The following ISY1 variants were observed in gnomAD, a reference collection of about 807,000 sequenced individuals.
ISY1 encodes the protein pre-mRNA-splicing factor ISY1 homolog.
A neutral mutation model predicts 54.4 loss-of-function variants in ISY1; 12 were observed. That is an observed-to-expected ratio of 0.22 (90% CI 0.14 to 0.36). The LOEUF is 0.36. ISY1 is among the 10% of genes least tolerant of loss of function. ISY1 has a pLI of 1.00. For missense variants in ISY1, 282 were observed against 342.2 expected, an observed-to-expected ratio of 0.82 and a Z score of 1.39; for synonymous variants, 96 against 117.9, an observed-to-expected ratio of 0.81 and a Z score of 1.20.
chr3:129,148,412 G>T (rs764594273), intron 5 of ISY1, among the ~76,000 whole-genome samples: 1 of 152,194 alleles, frequency 6.6e-6, no homozygotes, highest in Non-Finnish European at 1.5e-5. Flanking sequence ...AGCAGTGCAT[G>T]AGAGTTCATT....
chr3:129,136,820 G>T (rs186743189), intron 7 of ISY1, among the ~76,000 whole-genome samples: 355 of 151,244 alleles, frequency 2.3e-3, no homozygotes, highest in African/African-American at 8.3e-3. Flanking sequence ...CTCCCGAGTA[G>T]CTGGGATTAT....
At chr3:129,159,211 G>A in intron 1 of ISY1, 35 bp from the exon 2 acceptor site, 1 of 1,588,548 alleles carries the variant, frequency 6.3e-7, no homozygotes, top group African/African-American at 1.4e-5. Flanking sequence ...AAATGTCCAT[G>A]TTTAAAATAT....
In ISY1 at chr3:129,140,479, C is replaced by G; in HGVS notation, c.307G>C (p.Gly103Arg). 6.2e-7 allele frequency: 1 copy of G among 1,602,836 alleles called. No individual in the cohort carries two copies. Among genetic ancestry groups the G allele is most frequent in the Non-Finnish European group, 8.5e-7 (1 of 1,177,354 alleles). The change falls in exon 7 of 11, where the codon GGC (glycine) becomes CGC (arginine). Residue 103 changes from glycine (G) to arginine (R), a missense_variant. Coordinates refer to ENST00000393295, the MANE Select transcript of ISY1 (RefSeq NM_020701.4). ...CCTTCATGATCCAGCATTTTAGGGC[C>G]AACTTTCTTATTGGGAAGAAAAAAA... ...ELGGPDYGKV[G>R]PKMLDHEGKE...
chr3:129,138,877 C>A (rs1936519279), intron 7 of ISY1, among the ~76,000 whole-genome samples: 1 of 151,558 alleles, frequency 6.6e-6, no homozygotes. Flanking sequence ...AATGTATTAA[C>A]AATCATCACA....
Position 129,140,561 on chromosome 3 carries a change from C to A in ISY1, c.301-76G>T, listed in dbSNP as rs537886443. 4 of 1,428,648 alleles carry A rather than the reference C, an allele frequency of 2.8e-6. No individual in the cohort carries two copies. The South Asian group carries it at 4.0e-5, about 14-fold the overall frequency. The allele number at this position is 1,428,648 out of a possible 1,614,324, so 88.5% of individuals were successfully genotyped here. A position where few individuals can be genotyped will look rare whatever the true frequency, so the allele number is the denominator to read the frequency against. ...TTATTATTTATTTATTTATTTGAGG[C>A]GGAGTCTCGCTCTGTTGCCCATTTA... On this transcript the variant is annotated intron_variant, in intron 6 of 10. Coordinates refer to ENST00000393295, the MANE Select transcript of ISY1 (RefSeq NM_020701.4).
At chr3:129,144,287 C>G in intron 6 of ISY1, 1 of 298,414 alleles carries the variant, frequency 3.4e-6, no homozygotes, top group Non-Finnish European at 6.8e-6. Context: ...GCAAGACACC[C>G]AAGAGAAGTC....
At chr3:129,141,289 C>T (rs1458224900) in intron 6 of ISY1, among the ~76,000 whole-genome samples, 1 of 150,976 alleles carries the variant, frequency 6.6e-6, no homozygotes, top group African/African-American at 2.4e-5. Context: ...CACTCTGGGA[C>T]ACCAAGGTGG....
intron 6 of ISY1, 113 bp downstream of exon 6, chr3:129,145,648 C>T: frequency 2.1e-6 from 2 of 962,374 alleles, no homozygotes; most frequent in African/African-American, 1.6e-5. Context: ...TCATCCTACC[C>T]ATCCTGTTCA....
chr3:129,142,637 C>G (rs928452549), intron 6 of ISY1, among the ~76,000 whole-genome samples: 1 of 152,178 alleles, frequency 6.6e-6, no homozygotes, highest in African/African-American at 2.4e-5. Context: ...TGGCTGAGCA[C>G]AGCGGCTCAT....
At chr3:129,137,305 GACTTTA>G in intron 7 of ISY1, 1 of 625,766 alleles carries the variant, frequency 1.6e-6, no homozygotes, top group Non-Finnish European at 2.0e-6. Context: ...GAGGTAAGAG[GACTTTA>G]ACTCTATCTG....
At chr3:129,140,227 G>C in intron 7 of ISY1, 141 bp downstream of exon 7, 1 of 754,248 alleles carries the variant, frequency 1.3e-6, no homozygotes, top group Non-Finnish European at 2.1e-6. Flanking sequence ...AGAATTCTCA[G>C]TTAAAATCTG....
chr3:129,160,777 C>T (rs1560025246), intron 1 of ISY1, among the ~76,000 whole-genome samples, 196 bp downstream of exon 1: 2 of 152,170 alleles, frequency 1.3e-5, no homozygotes, highest in South Asian at 2.1e-4. Context: ...GACAGTAACG[C>T]GGCTCCCGAG....
intron 7 of ISY1, among the ~76,000 whole-genome samples, chr3:129,136,421 A>G (rs1936402216): frequency 6.6e-6 from 1 of 152,060 alleles, no homozygotes; most frequent in Non-Finnish European, 1.5e-5. Context: ...TTAAAAATGA[A>G]AAACAAAATG....
intron 3 of ISY1, among the ~76,000 whole-genome samples, chr3:129,158,287 G>C (rs1430932843): frequency 1.3e-5 from 2 of 151,806 alleles, no homozygotes; most frequent in Non-Finnish European, 2.9e-5. Flanking sequence ...CCCAGTAGCT[G>C]GGACTACAGG....
At chr3:129,136,874 CT>C (rs1402406086) in intron 7 of ISY1, among the ~76,000 whole-genome samples, 60 of 123,758 alleles carry the variant, frequency 4.8e-4, no homozygotes, top group African/African-American at 8.6e-4. Flanking sequence ...TTTTCTTCTT[CT>C]TTTTTTTTTT....
chr3:129,139,251 A>G (rs1936533153), intron 7 of ISY1, among the ~76,000 whole-genome samples: 2 of 152,054 alleles, frequency 1.3e-5, no homozygotes, highest in African/African-American at 4.8e-5. Flanking sequence ...CCTCTGTAGT[A>G]AAAAATATAT....
At chr3:129,138,360 T>G (rs1318382766) in intron 7 of ISY1, among the ~76,000 whole-genome samples, 7 of 142,066 alleles carry the variant, frequency 4.9e-5, no homozygotes, top group East Asian at 2.2e-4. Context: ...TTAGTACTGG[T>G]CACGGTGGCT....
Position 129,128,033 on chromosome 3 carries a change from C to G in ISY1, c.*2048G>C, listed in dbSNP as rs1186668983. The G allele has an allele frequency of 5.9e-5, 9 of 152,338 alleles. No individual in the cohort carries two copies. The highest frequency in any genetic ancestry group is 5.9e-4 in the Admixed American group (9 of 15,276). 9.4% of individuals were successfully genotyped at this position (152,338 alleles called of 1,614,324 possible). ...ACCTGGGTCAGTCTGTCCCTAGGGC[C>G]CTCTGAGGCCTCTGCCCAAACCACA... On this transcript the variant is annotated 3_prime_UTR_variant, in exon 11 of 11. Transcript: ENST00000393295.
intron 3 of ISY1, 52 bp downstream of exon 3, chr3:129,158,456 G>C (rs1333712973): frequency 2.5e-6 from 4 of 1,608,334 alleles, no homozygotes; most frequent in Non-Finnish European, 3.4e-6. Flanking sequence ...ACTGCACCCA[G>C]CCTGCATTTA....
Sources: gnomAD v4.1 joint callset for allele counts (sites outside exome capture counted in the v4.1 genomes callset) on GRCh38, gnomAD v4.1.1 for gene constraint, MANE v1.5 for transcripts, NCBI Gene and HGNC (gene_info 2026-07-23, HGNC 2026-07-21) for gene names.